SLC35F3: variants seen among roughly 807,000 people sequenced by gnomAD.
SLC35F3 encodes solute carrier family 35 member F3, also known as putative thiamine transporter SLC35F3.
In SLC35F3, 25 loss-of-function variants were observed where a neutral mutation model predicts 49.9. That is an observed-to-expected ratio of 0.50 (90% CI 0.37 to 0.70). The LOEUF (loss-of-function observed/expected upper bound fraction) is 0.70. Among genes scored for constraint, SLC35F3 ranks in the 30% least tolerant of loss-of-function variants. The probability of loss-of-function intolerance (pLI) is 0.00; values close to 1 mark genes in which losing one functional copy is unlikely to be tolerated. For synonymous variants in SLC35F3, 275 were observed against 265.4 expected (o/e 1.04, Z -0.35); for missense variants, 525 against 639.8 (o/e 0.82, Z 1.94).
chr1:233,911,481 T>C (rs990096466), intron 2 of SLC35F3, among the ~76,000 whole-genome samples: 1 of 152,204 alleles, frequency 6.6e-6, no homozygotes, highest in Non-Finnish European at 1.5e-5. Flanking sequence ...AGAGAATTAA[T>C]TTTATTCTTA....
At position 234,104,167 on chromosome 1, in the gene SLC35F3, C is replaced by T. The variant is rs149029486; in HGVS notation, c.284-127250C>T. Among the ~76,000 whole-genome samples the T allele has an allele frequency of 2.0e-3, 307 of 152,228 alleles. 4 individuals carry two copies. Among genetic ancestry groups the T allele is most frequent in the African/African-American group, 7.2e-3 (299 of 41,532 alleles). On this transcript the variant is annotated intron_variant, in intron 2 of 7. Coordinates refer to ENST00000366618, the MANE Select transcript of SLC35F3 (RefSeq NM_173508.4). ...TTCTGGGAAGTGAGCAAAGAAGAAA[C>T]CTTATCCTAGGCTGGAAAGATGGCA...
intron 4 of SLC35F3, among the ~76,000 whole-genome samples, chr1:234,309,804 G>A (rs927721812): frequency 6.6e-6 from 1 of 152,220 alleles, no homozygotes; most frequent in African/African-American, 2.4e-5. Flanking sequence ...CTTTGCCTGG[G>A]CCTTGTGTAC....
chr1:233,927,731 T>A (rs2102791648), intron 2 of SLC35F3, among the ~76,000 whole-genome samples: 1 of 152,246 alleles, frequency 6.6e-6, no homozygotes, highest in South Asian at 2.1e-4. Context: ...CAGAGTATGA[T>A]CTATGTCCAT....
At chr1:234,083,107 C>A (rs892204849) in intron 2 of SLC35F3, among the ~76,000 whole-genome samples, 1 of 152,098 alleles carries the variant, frequency 6.6e-6, no homozygotes, top group African/African-American at 2.4e-5. Flanking sequence ...CTTAATTTTT[C>A]TTTCTTAATT....
intron 2 of SLC35F3, among the ~76,000 whole-genome samples, chr1:234,197,786 C>T (rs2102932794): frequency 6.6e-6 from 1 of 152,302 alleles, no homozygotes. Flanking sequence ...TCAATAACAT[C>T]AATTTGAGGG....
rs1558246173 is a variant in SLC35F3, at chr1:234,161,524, G to GA, written c.284-69893_284-69892insA. On this transcript the variant is annotated intron_variant, in intron 2 of 7. Transcript: ENST00000366618. ...GCCTGTAATCCCAGCTCTTTGTGAG[G>GA]CCAAGGCAGGCAGATCACTTGAGCC... Among the ~76,000 whole-genome samples the GA allele has an allele frequency of 2.6e-5, 4 of 152,228 alleles. No individual in the cohort carries two copies. In the East Asian group the frequency reaches 7.7e-4, roughly 29 times the overall value.
At chr1:234,159,658 A>G (rs1426216217) in intron 2 of SLC35F3, among the ~76,000 whole-genome samples, 8 of 152,220 alleles carry the variant, frequency 5.3e-5, no homozygotes, top group Admixed American at 5.2e-4. Context: ...GGAGCCATCA[A>G]TGTCTCACCC....
intron 3 of SLC35F3, among the ~76,000 whole-genome samples, chr1:234,277,944 A>T (rs1025756614): frequency 1.3e-5 from 2 of 152,022 alleles, no homozygotes; most frequent in African/African-American, 4.8e-5. Context: ...CTGTAATCTC[A>T]GTTGTTTGGG....
At position 234,323,041 on chromosome 1, in the gene SLC35F3, A is replaced by G. The variant is rs200614672; in HGVS notation, c.1271A>G (p.Asn424Ser). The G allele has an allele frequency of 1.4e-4, 220 of 1,614,012 alleles. No homozygotes were observed. The highest frequency in any genetic ancestry group is 3.3e-4 in the Middle Eastern group (2 of 5,976). Residue 424 changes from asparagine to serine, a missense_variant, in exon 8 of 8, where the codon AAT (asparagine) becomes AGT (serine). Transcript: ENST00000366618. This position sits in a 1 kb window ranked among gnomAD's most constrained non-coding sequence, Gnocchi z 4.5. ...IDHYTSQIVF[N>S]GVRVIAIIII... The stretch of plus-strand genomic sequence containing the variant: ...CACTACACCAGTCAGATCGTCTTCA[A>G]TGGGGTCCGGGTCATCGCCATCATC...
chr1:233,926,926 G>T (rs938734558), intron 2 of SLC35F3, among the ~76,000 whole-genome samples: 1 of 152,104 alleles, frequency 6.6e-6, no homozygotes, highest in Non-Finnish European at 1.5e-5. Flanking sequence ...TTTGCTGGGG[G>T]TTCACTCCAG....
rs979573992 is a variant in SLC35F3, at chr1:234,261,102, C to T, written c.608+29361C>T. On this transcript the variant is annotated intron_variant, in intron 3 of 7. Transcript: ENST00000366618. ...AATGCTAAGTGGGGCTTGTTGGTGG[C>T]AACCCATCCAGGCTACCTCCCGAGA... is the stretch of plus-strand genomic sequence containing the variant. Among the ~76,000 whole-genome samples, 2 of 152,004 alleles carry T rather than the reference C, an allele frequency of 1.3e-5. 1 individual carries two copies. Among genetic ancestry groups the T allele is most frequent in the South Asian group, 4.2e-4 (2 of 4,810 alleles).
chr1:234,322,234 G>C (rs192134121), intron 7 of SLC35F3, among the ~76,000 whole-genome samples: 81 of 150,502 alleles, frequency 5.4e-4, no homozygotes, highest in African/African-American at 1.8e-3. Flanking sequence ...GAACAATGTA[G>C]AGAATGGGGG....
intron 2 of SLC35F3, among the ~76,000 whole-genome samples, chr1:233,961,547 C>G (rs4517406): frequency 0.21 from 31,411 of 150,356 alleles, 3,443 homozygotes; most frequent in East Asian, 0.38. Context: ...GCCTCTGCCT[C>G]CTGGGTTCCA....
intron 2 of SLC35F3, among the ~76,000 whole-genome samples, chr1:233,928,121 C>T (rs1662188676): frequency 6.6e-6 from 1 of 152,050 alleles, no homozygotes; most frequent in Non-Finnish European, 1.5e-5. Flanking sequence ...TCTGCATAAG[C>T]CCTAGCCCTC....
At chr1:234,100,433 C>T (rs993340536) in intron 2 of SLC35F3, among the ~76,000 whole-genome samples, 13 of 152,146 alleles carry the variant, frequency 8.5e-5, no homozygotes, top group Non-Finnish European at 1.6e-4. Flanking sequence ...GAGTGAAACT[C>T]GCTAAAAAGG....
At chr1:234,265,371 G>A (rs1166773173) in intron 3 of SLC35F3, among the ~76,000 whole-genome samples, 1 of 150,328 alleles carries the variant, frequency 6.7e-6, no homozygotes. Flanking sequence ...ATGGGGTCTT[G>A]CTATGTTACA....
chr1:234,066,140 C>T (rs1419392196), intron 2 of SLC35F3, among the ~76,000 whole-genome samples: 1 of 152,182 alleles, frequency 6.6e-6, no homozygotes, highest in Non-Finnish European at 1.5e-5. Context: ...CAAGGAATTC[C>T]AGTTTCCACA....
At chr1:234,271,861 A>G (rs1668112250) in intron 3 of SLC35F3, among the ~76,000 whole-genome samples, 1 of 152,204 alleles carries the variant, frequency 6.6e-6, no homozygotes, top group Non-Finnish European at 1.5e-5. Context: ...GCAGTGGCTC[A>G]GGTCTGTAAT....
chr1:234,108,458 TTATATATATAAAAGA>T (rs1313790922), intron 2 of SLC35F3, among the ~76,000 whole-genome samples: 17 of 86,192 alleles, frequency 2.0e-4, no homozygotes, highest in African/African-American at 3.5e-4. Context: ...TATATATTAT[TTATATATATAAAAGA>T]TATATATATA....
Sources: allele counts gnomAD v4.1 joint callset (sites outside exome capture counted in the v4.1 genomes callset), GRCh38; gene constraint gnomAD v4.1.1; non-coding constraint Gnocchi (gnomAD v3.1); transcripts MANE v1.5; gene names NCBI Gene and HGNC (gene_info 2026-07-23, HGNC 2026-07-21).